SARM1: variants seen among roughly 807,000 people sequenced by gnomAD.
SARM1 encodes the protein sterile alpha and TIR motif containing 1.
In SARM1, 60 loss-of-function variants were observed where a neutral mutation model predicts 65.1. The observed-to-expected ratio is 0.92, with a 90% CI of 0.75 to 1.14. The LOEUF (loss-of-function observed/expected upper bound fraction) is 1.14, where lower values mean the gene tolerates loss of function less well. Among genes scored for constraint, SARM1 ranks in the 50% most tolerant of loss-of-function variants. The pLI is 0.00. For synonymous variants in SARM1, 417 were observed against 465.4 expected (o/e 0.90, Z 1.34); for missense variants, 913 against 1,015.7 (o/e 0.90, Z 1.37).
Position 28,396,368 on chromosome 17 carries a change from C to T in SARM1, c.*82C>T. The T allele has an allele frequency of 1.9e-6, 3 of 1,553,782 alleles. No homozygotes were observed. The highest frequency in any genetic ancestry group is 2.3e-5 in the South Asian group (2 of 86,990). ...GGAACAGCTCCTGAAACCAGTCTCC[C>T]TGGGCTGAGACAACCTGGGCTCTTC... On this transcript the variant is annotated 3_prime_UTR_variant, in exon 9 of 9. Coordinates refer to ENST00000585482, the MANE Select transcript of SARM1 (RefSeq NM_015077.4).
Position 28,399,919 on chromosome 17 carries a change from G to C in SARM1, c.*3633G>C. 1.8e-6 allele frequency: 1 copy of C among 564,156 alleles called. No individual in the cohort carries two copies. The highest frequency in any genetic ancestry group is 3.2e-6 in the Non-Finnish European group (1 of 314,272). 34.9% of individuals were successfully genotyped at this position (564,156 alleles called of 1,614,324 possible). The stretch of plus-strand genomic sequence containing the variant: ...TAACTTTTTTTTTTTTAAGAGACAG[G>C]GTCTTGCTCTGTTGTCCAGGCTGGA... On this transcript the variant is annotated 3_prime_UTR_variant, in exon 9 of 9. Coordinates refer to ENST00000585482, the MANE Select transcript of SARM1 (RefSeq NM_015077.4).
intron 1 of SARM1, among the ~76,000 whole-genome samples, chr17:28,379,736 GAA>G (rs1397686907): frequency 3.9e-5 from 6 of 152,218 alleles, no homozygotes; most frequent in African/African-American, 1.4e-4. Context: ...TAATGAGTTA[GAA>G]AGTGATGGGG....
Position 28,396,472 on chromosome 17 carries a change from G to T in SARM1, c.*186G>T, listed in dbSNP as rs1381293656. ...CCCACTTTCCTCAGTATCTGGAGAG[G>T]GAAGGGAAGTCAGGCTTGGGCACGG... On this transcript the variant is annotated 3_prime_UTR_variant, in exon 9 of 9. Transcript: ENST00000585482. 1.2e-5 allele frequency: 8 copies of T among 686,872 alleles called. No individual in the cohort carries two copies. The highest frequency in any genetic ancestry group is 1.9e-5 in the Non-Finnish European group (8 of 417,060). 42.5% of individuals were successfully genotyped at this position (686,872 alleles called of 1,614,324 possible).
At position 28,381,247 on chromosome 17, in the gene SARM1, C is replaced by A; in HGVS notation, c.515C>A (p.Ala172Glu). ...RIGLGVILNL[A>E]KEREPVELAR... ...GGGCTGGGCGTGATCCTGAACCTGGCGAAGGAACGCGAACCCGTAGAGCTG... is the reference window on the plus strand; with the variant it reads ...GGGCTGGGCGTGATCCTGAACCTGGAGAAGGAACGCGAACCCGTAGAGCTG... The change falls in exon 2 of 9, where the codon GCG becomes GAG. Residue 172 changes from alanine to glutamate, a missense_variant. By Grantham distance (107) the Ala-to-Glu change is moderately radical. Transcript: ENST00000585482. 6.2e-7 allele frequency: 1 copy of A among 1,610,344 alleles called. No homozygotes were observed.
chr17:28,382,078 G>A (rs963919778), intron 2 of SARM1, among the ~76,000 whole-genome samples: 3 of 152,238 alleles, frequency 2.0e-5, no homozygotes, highest in African/African-American at 7.2e-5. Flanking sequence ...CCTAGCTGCT[G>A]TGTGGAAAGG....
At position 28,381,559 on chromosome 17, in the gene SARM1, T is replaced by A; in HGVS notation, c.827T>A (p.Val276Glu). 1 of 1,590,666 alleles carries A rather than the reference T, an allele frequency of 6.3e-7. No homozygotes were observed. The highest frequency in any genetic ancestry group is 2.3e-5 in the East Asian group (1 of 43,738). ...CTGCACGCCTGCCTCGCAGTAGCGG[T>A]GTTGGCGACTAACAAGGAGGTGGAG... is the stretch of plus-strand genomic sequence containing the variant. ...LRLHACLAVAVLATNKEVERE... is the reference protein window; with the variant it reads ...LRLHACLAVAELATNKEVERE... Residue 276 changes from valine (V) to glutamate (E), a missense_variant, in exon 2 of 9, where the codon GTG (valine) becomes GAG (glutamate). Physicochemically the swap from Val to Glu is moderately radical, Grantham distance 121 (BLOSUM62 -2). Around this residue, in one of 3 missense-constraint regions of SARM1, gnomAD observed 862 missense variants for 952.1 expected, o/e 0.91. Coordinates refer to ENST00000585482, the MANE Select transcript of SARM1 (RefSeq NM_015077.4).
In SARM1 at chr17:28,384,446, G is replaced by A; in HGVS notation, c.1179G>A (p.Ala393=). ...CTAAGTCGGCGCTGGCCAAGCGCGC[G>A]CTGCGCCTGCTGGGCGAGGAGGTGC... ...NGTKSALAKR[A]LRLLGEEVPR... The change falls in exon 3 of 9, where the codon GCG becomes GCA. Residue 393 remains alanine (A), a synonymous_variant. Coordinates refer to ENST00000585482, the MANE Select transcript of SARM1 (RefSeq NM_015077.4). This position sits in a 1 kb window ranked among gnomAD's most constrained non-coding sequence, Gnocchi z 4.4. 6.2e-7 allele frequency: 1 copy of A among 1,613,388 alleles called. No homozygotes were observed. Among genetic ancestry groups the A allele is most frequent in the Non-Finnish European group, 8.5e-7 (1 of 1,179,600 alleles).
rs2068038208 is a variant in SARM1, at chr17:28,384,245, G to A, written c.1090-112G>A. 7.1e-6 allele frequency: 6 copies of A among 841,730 alleles called. No individual in the cohort carries two copies. Among genetic ancestry groups the A allele is most frequent in the Non-Finnish European group, 1.1e-5 (6 of 550,422 alleles). 52.1% of individuals were successfully genotyped at this position (841,730 alleles called of 1,614,324 possible). The stretch of plus-strand genomic sequence containing the variant: ...CTTAGTGGCTGAAGGTGGGGCCAGG[G>A]CAGATGGAGAGACTTTGGGTTGTGA... On this transcript the variant is annotated intron_variant, in intron 2 of 8. Transcript: ENST00000585482. The surrounding 1 kb of genome is among the most constrained non-coding windows in gnomAD (Gnocchi z 4.4).
At position 28,384,648 on chromosome 17, in the gene SARM1, G is replaced by A; in HGVS notation, c.1302+79G>A. ...AGGGACTGCGTTCCCTCCCCGCCTC[G>A]CAATCCCGCGGCGCCAGGGTCGCTT... On this transcript the variant is annotated intron_variant, in intron 3 of 8. Transcript: ENST00000585482. This position sits in a 1 kb window ranked among gnomAD's most constrained non-coding sequence, Gnocchi z 4.4. 7.1e-7 allele frequency: 1 copy of A among 1,403,186 alleles called. No homozygotes were observed. The highest frequency in any genetic ancestry group is 9.6e-7 in the Non-Finnish European group (1 of 1,037,548). The allele number at this position is 1,403,186 out of a possible 1,614,324, so 86.9% of individuals were successfully genotyped here. A position where few individuals can be genotyped will look rare whatever the true frequency, so the allele number is the denominator to read the frequency against.
rs1485421735 is a variant in SARM1 at position 28,400,215 on chromosome 17, T to A, written c.*3929T>A. Reference sequence around the variant, plus strand: ...CGGCCATGAAATATAATTCTTAATATCATACAGGAAAAAGTCAGCGGGTCA... The same window carrying A: ...CGGCCATGAAATATAATTCTTAATAACATACAGGAAAAAGTCAGCGGGTCA... On this transcript the variant is annotated 3_prime_UTR_variant, in exon 9 of 9. Coordinates refer to ENST00000585482, the MANE Select transcript of SARM1 (RefSeq NM_015077.4). 3.9e-6 allele frequency: 1 copy of A among 257,834 alleles called. No homozygotes were observed. Among genetic ancestry groups the A allele is most frequent in the African/African-American group, 2.2e-5 (1 of 44,990 alleles). 16.0% of individuals were successfully genotyped at this position (257,834 alleles called of 1,614,324 possible). A position where few individuals can be genotyped will look rare whatever the true frequency, so the allele number is the denominator to read the frequency against.
At position 28,396,446 on chromosome 17, in the gene SARM1, A is replaced by G. The variant is rs1282593614; in HGVS notation, c.*160A>G. The G allele has an allele frequency of 1.2e-6, 1 of 801,458 alleles. No individual in the cohort carries two copies. The highest frequency in any genetic ancestry group is 1.9e-6 in the Non-Finnish European group (1 of 513,548). The allele number at this position is 801,458 out of a possible 1,614,324, so 49.6% of individuals were successfully genotyped here. On this transcript the variant is annotated 3_prime_UTR_variant, in exon 9 of 9. Transcript: ENST00000585482. ...CCCCCACCCTCATGGCCCACCTCCA[A>G]CCCACTTTCCTCAGTATCTGGAGAG...
At position 28,372,592 on chromosome 17, in the gene SARM1, C is replaced by T. The variant is rs1555584240; in HGVS notation, c.470+90C>T. ...CCGTGTGCCTTGCGCCGTGCCTTTG[C>T]CTCCCTCACCTCTCTGACTGCCTGC... On this transcript the variant is annotated intron_variant, in intron 1 of 8. Coordinates refer to ENST00000585482, the MANE Select transcript of SARM1 (RefSeq NM_015077.4). The surrounding 1 kb of genome is among the most constrained non-coding windows in gnomAD (Gnocchi z 5.2). 3 of 943,260 alleles carry T rather than the reference C, an allele frequency of 3.2e-6. No homozygotes were observed. Among genetic ancestry groups the T allele is most frequent in the African/African-American group, 3.5e-5 (2 of 57,590 alleles). The allele number at this position is 943,260 out of a possible 1,614,324, so 58.4% of individuals were successfully genotyped here.
At chr17:28,380,418 C>G (rs1555585055) in intron 1 of SARM1, among the ~76,000 whole-genome samples, 1 of 152,236 alleles carries the variant, frequency 6.6e-6, no homozygotes, top group Admixed American at 6.5e-5. Flanking sequence ...ACATACCCCT[C>G]CTCCAGGCAC....
At position 28,385,263 on chromosome 17, in the gene SARM1, A is replaced by G; in HGVS notation, c.1618A>G (p.Thr540Ala). 6.4e-7 allele frequency: 1 copy of G among 1,555,664 alleles called. No individual in the cohort carries two copies. Among genetic ancestry groups the G allele is most frequent in the Non-Finnish European group, 8.6e-7 (1 of 1,157,246 alleles). The change falls in exon 5 of 9, where the codon ACG (threonine) becomes GCG (alanine). Residue 540 changes from threonine (T) to alanine (A), a missense_variant. Thr to Ala is a moderately conservative substitution (Grantham distance 58). This residue lies in a region of SARM1 where 862 missense variants were observed against 952.1 expected (regional missense o/e 0.91). Transcript: ENST00000585482. This position sits in a 1 kb window ranked among gnomAD's most constrained non-coding sequence, Gnocchi z 4.5. Reference sequence around the variant, plus strand: ...GGGCGTGCACCGCGCCCGCATCCTCACGGCGGCCAGAGGTCAGCCCGCTCA... The same window carrying G: ...GGGCGTGCACCGCGCCCGCATCCTCGCGGCGGCCAGAGGTCAGCCCGCTCA... Reference protein sequence around the residue: ...HLGVHRARILTAAREMLHSPL... With the variant: ...HLGVHRARILAAAREMLHSPL...
chr17:28,386,301 C>A (rs2068050113), intron 5 of SARM1, among the ~76,000 whole-genome samples: 1 of 152,126 alleles, frequency 6.6e-6, no homozygotes, highest in South Asian at 2.1e-4. Context: ...AGGAGTGAGA[C>A]CCTATCTCAA....
In SARM1 at chr17:28,399,672, A is replaced by T; in HGVS notation, c.*3386A>T. On this transcript the variant is annotated 3_prime_UTR_variant, in exon 9 of 9. Coordinates refer to ENST00000585482, the MANE Select transcript of SARM1 (RefSeq NM_015077.4). ...CCAGGCAGATCAGGGGCTCTGGGGA[A>T]ACTGCTGGAACTCGAGGTGAGGATC... 6.2e-7 allele frequency: 1 copy of T among 1,613,984 alleles called. No homozygotes were observed. The highest frequency in any genetic ancestry group is 1.1e-5 in the South Asian group (1 of 91,078).
Position 28,399,637 on chromosome 17 carries a change from G to C in SARM1, c.*3351G>C, listed in dbSNP as rs1555589062. 1 of 1,613,898 alleles carries C rather than the reference G, an allele frequency of 6.2e-7. No homozygotes were observed. On this transcript the variant is annotated 3_prime_UTR_variant, in exon 9 of 9. Coordinates refer to ENST00000585482, the MANE Select transcript of SARM1 (RefSeq NM_015077.4). ...GTTCACTTTGCTCCTCTTGCCCTCT[G>C]TCTTCTGGTCCAGGCAGATCAGGGG...
intron 7 of SARM1, among the ~76,000 whole-genome samples, chr17:28,391,148 T>G (rs1386550713): frequency 6.6e-6 from 1 of 152,208 alleles, no homozygotes; most frequent in Non-Finnish European, 1.5e-5. Flanking sequence ...GATGTCATGT[T>G]GGTAGCTTGT....
chr17:28,402,615 G>A lies in SARM1; in HGVS notation c.*6329G>A, dbSNP rs368811296. ...ACCCACCCACTTGGCACTTAGTAGG[G>A]ATATGGCAGGGCACAGAAAACAAGC... On this transcript the variant is annotated 3_prime_UTR_variant, in exon 9 of 9. Coordinates refer to ENST00000585482, the MANE Select transcript of SARM1 (RefSeq NM_015077.4). 1 of 278,782 alleles carries A rather than the reference G, an allele frequency of 3.6e-6. No homozygotes were observed. The allele number at this position is 278,782 out of a possible 1,614,324, so 17.3% of individuals were successfully genotyped here.
Sources: gnomAD v4.1 joint callset for allele counts (sites outside exome capture counted in the v4.1 genomes callset) on GRCh38, gnomAD v4.1.1 for gene constraint, gnomAD v4.1.1 regional missense constraint, Gnocchi (gnomAD v3.1) non-coding constraint, MANE v1.5 for transcripts, NCBI Gene and HGNC (gene_info 2026-07-23, HGNC 2026-07-21) for gene names.